The following BCAS3 variants were observed in gnomAD, a reference collection of about 807,000 sequenced individuals.
BCAS3 encodes the protein BCAS4/BCAS3 fusion.
Under a neutral mutation model 116.1 loss-of-function variants are expected in BCAS3, and 53 were observed. The observed-to-expected ratio is 0.46, with a 90% confidence interval of 0.37 to 0.57. The LOEUF (loss-of-function observed/expected upper bound fraction) is 0.57, where lower values mean the gene tolerates loss of function less well. Ranked by LOEUF, BCAS3 falls within the 20% of genes least tolerant of loss-of-function variation. The pLI is 0.00. For synonymous variants in BCAS3, 391 were observed against 408.2 expected (o/e 0.96, Z 0.51); for missense variants, 917 against 1,165.4 (o/e 0.79, Z 3.10).
At chr17:61,331,048 A>G (rs1046455581) in intron 22 of BCAS3, among the ~76,000 whole-genome samples, 6 of 152,170 alleles carry the variant, frequency 3.9e-5, no homozygotes, top group Admixed American at 2.6e-4. Context: ...GAAAACTACT[A>G]TAGGTGCTTT....
At chr17:60,865,410 A>G (rs957322266) in intron 7 of BCAS3, among the ~76,000 whole-genome samples, 2 of 152,178 alleles carry the variant, frequency 1.3e-5, no homozygotes, top group African/African-American at 4.8e-5. Context: ...ATAACTCCCA[A>G]TCCAAGAACA....
intron 7 of BCAS3, among the ~76,000 whole-genome samples, chr17:60,862,539 G>T (rs950589012): frequency 1.2e-4 from 19 of 152,008 alleles, no homozygotes; most frequent in Non-Finnish European, 1.3e-4. Context: ...TTCAATTTTG[G>T]GAGGTTGTTG....
rs578196288 is a variant in BCAS3, at chr17:61,344,540, G to A, written c.2426-23787G>A. Among the ~76,000 whole-genome samples the A allele has an allele frequency of 3.3e-4, 50 of 152,276 alleles. No homozygotes were observed. Among genetic ancestry groups the A allele is most frequent in the Admixed American group, 2.5e-3 (38 of 15,292 alleles). ...AGTAGATGATATCTCTGCCCCCATG[G>A]GGCTTATATTCTAGAGGAGGAAACA... On this transcript the variant is annotated intron_variant, in intron 22 of 23. Transcript: ENST00000407086. The surrounding 1 kb of genome is among the most constrained non-coding windows in gnomAD (Gnocchi z 4.1).
In BCAS3 at chr17:61,279,680, G is replaced by A. The variant is rs1481440621; in HGVS notation, c.2426-88647G>A. ...CCCTTGGAGGACACAGAGTTGTTCA[G>A]TCCATCCTGGTGTAGACCACAAACC... On this transcript the variant is annotated intron_variant, in intron 22 of 23. Coordinates refer to ENST00000407086, the MANE Select transcript of BCAS3 (RefSeq NM_017679.5). The surrounding 1 kb of genome is among the most constrained non-coding windows in gnomAD (Gnocchi z 4.4). Among the ~76,000 whole-genome samples, 1 of 151,978 alleles carries A rather than the reference G, an allele frequency of 6.6e-6. No homozygotes were observed. The highest frequency in any genetic ancestry group is 1.9e-4 in the East Asian group (1 of 5,174).
intron 9 of BCAS3, among the ~76,000 whole-genome samples, chr17:60,880,882 G>T (rs2056065873): frequency 6.6e-6 from 1 of 152,000 alleles, no homozygotes; most frequent in Admixed American, 6.6e-5. Context: ...TTCTAGATAT[G>T]TCACTTATCA....
chr17:61,152,177 C>T (rs549337925), intron 22 of BCAS3, among the ~76,000 whole-genome samples: 33 of 152,120 alleles, frequency 2.2e-4, no homozygotes, highest in African/African-American at 6.0e-4. Context: ...GCTTTCACAG[C>T]GTGGAAGGGG....
In BCAS3 at chr17:61,344,882, A is replaced by G. The variant is rs1602898867; in HGVS notation, c.2426-23445A>G. ...TCACTCCAGCCCCTTGTTTGCCACC[A>G]TGGACAGGTATTTTATGATTCCTGG... On this transcript the variant is annotated intron_variant, in intron 22 of 23. Transcript: ENST00000407086. This position sits in a 1 kb window ranked among gnomAD's most constrained non-coding sequence, Gnocchi z 4.1. 6.6e-6 allele frequency among the ~76,000 whole-genome samples: 1 copy of G among 151,864 alleles called. No homozygotes were observed. The highest frequency in any genetic ancestry group is 1.5e-5 in the Non-Finnish European group (1 of 67,954).
chr17:60,720,947 C>T (rs879596048), intron 5 of BCAS3, among the ~76,000 whole-genome samples: 5 of 152,056 alleles, frequency 3.3e-5, no homozygotes, highest in South Asian at 2.1e-4. Flanking sequence ...CACTAGGTGT[C>T]GCTACCACAT....
At chr17:61,101,743 T>C (rs1183019762) in intron 22 of BCAS3, among the ~76,000 whole-genome samples, 2 of 152,142 alleles carry the variant, frequency 1.3e-5, no homozygotes, top group Non-Finnish European at 2.9e-5. Flanking sequence ...TTCTGGTTTG[T>C]TTTGTGTGAT....
At chr17:60,940,528 G>A (rs1361026870) in intron 13 of BCAS3, among the ~76,000 whole-genome samples, 1 of 152,168 alleles carries the variant, frequency 6.6e-6, no homozygotes, top group Non-Finnish European at 1.5e-5. Flanking sequence ...TATGATTTGT[G>A]TAAGCTGAGG....
At chr17:60,912,510 A>G (rs2145107915) in intron 12 of BCAS3, among the ~76,000 whole-genome samples, 1 of 152,264 alleles carries the variant, frequency 6.6e-6, no homozygotes, top group Admixed American at 6.5e-5. Flanking sequence ...CTGGATTATT[A>G]AATTTGGCTC....
In BCAS3 at chr17:61,356,147, A is replaced by G. The variant is rs573378790; in HGVS notation, c.2426-12180A>G. ...GTAGCTGGGATTACAGGCGCCTGCC[A>G]TCATGCCCGGCTGATTTTTGTATTT... On this transcript the variant is annotated intron_variant, in intron 22 of 23. Transcript: ENST00000407086. This position sits in a 1 kb window ranked among gnomAD's most constrained non-coding sequence, Gnocchi z 5.4. Among the ~76,000 whole-genome samples, 210 of 152,256 alleles carry G rather than the reference A, an allele frequency of 1.4e-3. 1 individual carries two copies. Among genetic ancestry groups the G allele is most frequent in the Non-Finnish European group, 2.8e-3 (190 of 67,992 alleles).
Position 61,347,941 on chromosome 17 carries a change from G to A in BCAS3, c.2426-20386G>A, listed in dbSNP as rs1302859498. On this transcript the variant is annotated intron_variant, in intron 22 of 23. Coordinates refer to ENST00000407086, the MANE Select transcript of BCAS3 (RefSeq NM_017679.5). The surrounding 1 kb of genome is among the most constrained non-coding windows in gnomAD (Gnocchi z 4.3). ...GCTGCTAGAGGCCAGATGATAGACAGTTGTGCTAAGAAGATTGGGCTTAAT... is the reference window on the plus strand; with the variant it reads ...GCTGCTAGAGGCCAGATGATAGACAATTGTGCTAAGAAGATTGGGCTTAAT... Among the ~76,000 whole-genome samples the A allele has an allele frequency of 6.6e-6, 1 of 152,228 alleles. No homozygotes were observed. The highest frequency in any genetic ancestry group is 2.4e-5 in the African/African-American group (1 of 41,448).
intron 1 of BCAS3, among the ~76,000 whole-genome samples, chr17:60,678,296 C>A (rs2032332430): frequency 6.6e-6 from 1 of 152,130 alleles, no homozygotes; most frequent in Non-Finnish European, 1.5e-5. Flanking sequence ...GGCTCTGCTC[C>A]TTGGGGCAGA....
chr17:60,822,612 A>G (rs542486128), intron 7 of BCAS3, among the ~76,000 whole-genome samples: 1 of 152,234 alleles, frequency 6.6e-6, no homozygotes, highest in Non-Finnish European at 1.5e-5. Context: ...CAGAGACACT[A>G]TTGCCAGTTT....
intron 6 of BCAS3, among the ~76,000 whole-genome samples, chr17:60,806,811 G>A (rs989316718): frequency 2.0e-5 from 3 of 152,130 alleles, no homozygotes; most frequent in African/African-American, 7.2e-5. Flanking sequence ...GAGTACAGGC[G>A]TGAGCAGGCA....
rs759711370 is a variant in BCAS3 at position 61,214,525 on chromosome 17, A to C, written c.2425+129961A>C. ...TGGTGAAACCCCGTCTCTACTAAAAATACCAAAAAAAAAAAATTAGCTGGG... is the reference window on the plus strand; with the variant it reads ...TGGTGAAACCCCGTCTCTACTAAAACTACCAAAAAAAAAAAATTAGCTGGG... On this transcript the variant is annotated intron_variant, in intron 22 of 23. Transcript: ENST00000407086. This position sits in a 1 kb window ranked among gnomAD's most constrained non-coding sequence, Gnocchi z 4.4. 2.2e-3 allele frequency among the ~76,000 whole-genome samples: 44 copies of C among 20,282 alleles called. No homozygotes were observed. Among genetic ancestry groups the C allele is most frequent in the Non-Finnish European group, 1.5e-3 (16 of 10,550 alleles). The allele number at this position is 20,282 out of a possible 152,430, so 13.3% of individuals were successfully genotyped here.
rs925438573 is a variant in BCAS3 at position 61,132,528 on chromosome 17, G to A, written c.2425+47964G>A. On this transcript the variant is annotated intron_variant, in intron 22 of 23. Transcript: ENST00000407086. This position sits in a 1 kb window ranked among gnomAD's most constrained non-coding sequence, Gnocchi z 5.1. ...TCCCTAACATTGGAATAAATGGTAA[G>A]AATATAGATTGTTTGTGCCGGGCTT... Among the ~76,000 whole-genome samples the A allele has an allele frequency of 6.6e-6, 1 of 152,190 alleles. No individual in the cohort carries two copies. Among genetic ancestry groups the A allele is most frequent in the Admixed American group, 6.5e-5 (1 of 15,282 alleles).
chr17:60,977,237 T>A (rs2062462049), intron 14 of BCAS3, among the ~76,000 whole-genome samples: 1 of 152,162 alleles, frequency 6.6e-6, no homozygotes, highest in Admixed American at 6.5e-5. Context: ...TGGAGTGCCG[T>A]GGCTCAATCA....
Sources: allele counts gnomAD v4.1 joint callset (sites outside exome capture counted in the v4.1 genomes callset), GRCh38; gene constraint gnomAD v4.1.1; non-coding constraint Gnocchi (gnomAD v3.1); transcripts MANE v1.5; gene names NCBI Gene and HGNC (gene_info 2026-07-23, HGNC 2026-07-21).